The following CERKL variants were observed in gnomAD, a reference collection of about 807,000 sequenced individuals.
CERKL encodes the protein ceramide kinase-like protein.
In CERKL, 61 loss-of-function variants were observed where a neutral mutation model predicts 63.4. The observed-to-expected ratio is 0.96, with a 90% CI of 0.78 to 1.19. The LOEUF (loss-of-function observed/expected upper bound fraction) is 1.19, where lower values mean the gene tolerates loss of function less well. Among genes scored for constraint, CERKL ranks in the 50% most tolerant of loss-of-function variants. The probability of loss-of-function intolerance (pLI) is 0.00; values close to 1 mark genes in which losing one functional copy is unlikely to be tolerated. For missense variants in CERKL, 675 were observed against 655.5 expected (o/e 1.03, Z -0.33); for synonymous variants, 250 against 230.5 (o/e 1.08, Z -0.77).
chr2:181,572,120 G>GC (rs754427215), intron 3 of CERKL, among the ~76,000 whole-genome samples: 5 of 151,324 alleles, frequency 3.3e-5, no homozygotes, highest in Non-Finnish European at 5.9e-5. Context: ...CTCTCTCTCC[G>GC]CCCCCCCTCC....
chr2:181,639,696 T>G (rs1294371264), intron 1 of CERKL, among the ~76,000 whole-genome samples: 1 of 152,222 alleles, frequency 6.6e-6, no homozygotes. Flanking sequence ...ATGGGGACAG[T>G]GCAGGCTCTG....
chr2:181,553,268 G>T (rs920010355), intron 5 of CERKL, among the ~76,000 whole-genome samples: 2 of 152,098 alleles, frequency 1.3e-5, no homozygotes, highest in African/African-American at 4.8e-5. Flanking sequence ...AATAAATCTG[G>T]AATGGATCAG....
At chr2:181,573,256 A>G (rs1688985589) in intron 3 of CERKL, among the ~76,000 whole-genome samples, 1 of 152,220 alleles carries the variant, frequency 6.6e-6, no homozygotes. Context: ...CTTAGTTTAG[A>G]CAACAAATTT....
chr2:181,536,863 ATTTTGAACATCT>A lies in CERKL; in HGVS notation c.*1309_*1320del. 1 of 432,928 alleles carries A rather than the reference ATTTTGAACATCT, an allele frequency of 2.3e-6. No homozygotes were observed. The highest frequency in any genetic ancestry group is 4.6e-6 in the Non-Finnish European group (1 of 216,972). 26.8% of individuals were successfully genotyped at this position (432,928 alleles called of 1,614,324 possible). A position where few individuals can be genotyped will look rare whatever the true frequency, so the allele number is the denominator to read the frequency against. On this transcript the variant is annotated 3_prime_UTR_variant, in exon 13 of 13. Transcript: ENST00000410087. ...GCCTTCATAAGAGAGCTGTGGCCGAATTTTGAACATCTGTTATAGGGAGTGATCAAATTAGAA... is the reference window on the plus strand; with the variant it reads ...GCCTTCATAAGAGAGCTGTGGCCGAAGTTATAGGGAGTGATCAAATTAGAA...
intron 2 of CERKL, among the ~76,000 whole-genome samples, chr2:181,600,824 C>T (rs905952627): frequency 1.3e-5 from 2 of 152,280 alleles, no homozygotes; most frequent in African/African-American, 4.8e-5. Flanking sequence ...CAAAGGTATA[C>T]ACTGGACTTA....
At chr2:181,625,634 A>G (rs1377122487) in intron 1 of CERKL, among the ~76,000 whole-genome samples, 2 of 152,220 alleles carry the variant, frequency 1.3e-5, no homozygotes, top group Non-Finnish European at 2.9e-5. Flanking sequence ...GTTCTCAGAA[A>G]GGACACTGGT....
At chr2:181,600,962 C>T (rs948658689) in intron 2 of CERKL, among the ~76,000 whole-genome samples, 1 of 151,986 alleles carries the variant, frequency 6.6e-6, no homozygotes, top group African/African-American at 2.4e-5. Context: ...TCGTAAGTCA[C>T]ATCTCAATAA....
At chr2:181,593,051 T>C (rs1397977722) in intron 2 of CERKL, among the ~76,000 whole-genome samples, 2 of 152,140 alleles carry the variant, frequency 1.3e-5, no homozygotes, top group South Asian at 2.1e-4. Context: ...CTTTATTGAG[T>C]ACCTGCTGCT....
chr2:181,609,249 C>T (rs898167434), intron 1 of CERKL, among the ~76,000 whole-genome samples: 1 of 116,674 alleles, frequency 8.6e-6, no homozygotes, highest in Non-Finnish European at 1.7e-5. Context: ...AATGCTATCC[C>T]TCCCCCCTCC....
intron 2 of CERKL, among the ~76,000 whole-genome samples, chr2:181,583,777 C>A (rs376068980): frequency 1.3e-5 from 2 of 151,898 alleles, no homozygotes; most frequent in African/African-American, 2.4e-5. Flanking sequence ...ATAAAACATA[C>A]GAAAAAACAT....
intron 11 of CERKL, 82 bp from the exon 12 acceptor site, chr2:181,539,346 A>G (rs1218206869): frequency 2.3e-6 from 2 of 871,282 alleles, no homozygotes; most frequent in Non-Finnish European, 3.8e-6. Flanking sequence ...GCCCTCTCTC[A>G]CAAGTAAATA....
intron 1 of CERKL, among the ~76,000 whole-genome samples, chr2:181,626,936 G>T (rs943059326): frequency 9.2e-5 from 14 of 152,338 alleles, no homozygotes; most frequent in Non-Finnish European, 1.6e-4. Flanking sequence ...AACATAGAGA[G>T]GTGATATGAG....
chr2:181,587,249 G>A (rs1269618293), intron 2 of CERKL, among the ~76,000 whole-genome samples: 1 of 152,128 alleles, frequency 6.6e-6, no homozygotes, highest in African/African-American at 2.4e-5. Flanking sequence ...ACAAAGCCAT[G>A]TAACTTCTAA....
At chr2:181,580,826 G>T (rs1251775647) in intron 2 of CERKL, among the ~76,000 whole-genome samples, 1 of 152,044 alleles carries the variant, frequency 6.6e-6, no homozygotes, top group African/African-American at 2.4e-5. Context: ...AAATAGTATA[G>T]AAGTTTTCTG....
rs1186683155 is a variant in CERKL, at chr2:181,549,661, T to G, written c.868A>C (p.Ile290Leu). ...AHSLHGVPHV[I>L]TATLHIIMGH... ...ATTATAATGTGCAATGTTGCAGTTATCACATGAGGAACTCCATGAAGAGAA... is the reference window on the plus strand; with the variant it reads ...ATTATAATGTGCAATGTTGCAGTTAGCACATGAGGAACTCCATGAAGAGAA... The change falls in exon 6 of 13, where the codon ATA becomes CTA. Residue 290 changes from isoleucine to leucine, a missense_variant. By Grantham distance (5) the Ile-to-Leu change is conservative. Transcript: ENST00000410087. 6.2e-7 allele frequency: 1 copy of G among 1,612,446 alleles called. No homozygotes were observed. The highest frequency in any genetic ancestry group is 2.2e-5 in the East Asian group (1 of 44,744).
At chr2:181,575,033 A>G (rs1689069389) in intron 2 of CERKL, among the ~76,000 whole-genome samples, 1 of 152,104 alleles carries the variant, frequency 6.6e-6, no homozygotes, top group African/African-American at 2.4e-5. Context: ...AAACCTCAAA[A>G]CCGTGCTCAA....
In CERKL at chr2:181,603,646, A is replaced by G. The variant is rs563396117; in HGVS notation, c.481+191T>C. 16 of 683,906 alleles carry G rather than the reference A, an allele frequency of 2.3e-5. No individual in the cohort carries two copies. In the African/African-American group the frequency reaches 2.8e-4, roughly 12 times the overall value. The allele number at this position is 683,906 out of a possible 1,614,324, so 42.4% of individuals were successfully genotyped here. A position where few individuals can be genotyped will look rare whatever the true frequency, so the allele number is the denominator to read the frequency against. ...GATACCACATTAACAGGATGTAGGG[A>G]AAAATATGATTATCTCAATTAATGT... On this transcript the variant is annotated intron_variant, in intron 2 of 12. Transcript: ENST00000410087.
chr2:181,583,776 A>G (rs1403939626), intron 2 of CERKL, among the ~76,000 whole-genome samples: 2 of 152,354 alleles, frequency 1.3e-5, no homozygotes, highest in Non-Finnish European at 2.9e-5. Context: ...AATAAAACAT[A>G]CGAAAAAACA....
intron 5 of CERKL, among the ~76,000 whole-genome samples, chr2:181,554,164 CAA>C (rs36086391): frequency 0.35 from 33,087 of 93,830 alleles, 3,467 homozygotes; most frequent in South Asian, 0.59. Flanking sequence ...ACTATGGAGG[CAA>C]AAAAAAAAAA....
Sources: allele counts gnomAD v4.1 joint callset (sites outside exome capture counted in the v4.1 genomes callset), GRCh38; gene constraint gnomAD v4.1.1; transcripts MANE v1.5; gene names NCBI Gene and HGNC (gene_info 2026-07-23, HGNC 2026-07-21).